KCNH8: variants seen among roughly 807,000 people sequenced by gnomAD.
The protein encoded by KCNH8 is potassium voltage-gated channel subfamily H member 8.
Under a neutral mutation model 103.6 loss-of-function variants are expected in KCNH8, and 70 were observed. The ratio of observed to expected loss-of-function variants is 0.68; its 90% CI spans 0.56 to 0.82. The LOEUF (loss-of-function observed/expected upper bound fraction) is 0.82. Ranked by LOEUF, KCNH8 falls within the 40% of genes least tolerant of loss-of-function variation. The probability of loss-of-function intolerance (pLI) is 0.00; values close to 1 mark genes in which losing one functional copy is unlikely to be tolerated. For synonymous variants in KCNH8, 498 were observed against 489.4 expected, an observed-to-expected ratio of 1.02 and a Z score of -0.23; for missense variants, 1,217 against 1,329.9, an observed-to-expected ratio of 0.92 and a Z score of 1.32.
At chr3:19,395,052 G>C in intron 6 of KCNH8, 52 bp from the exon 7 acceptor site, 1 of 1,260,602 alleles carries the variant, frequency 7.9e-7, no homozygotes, top group Non-Finnish European at 1.2e-6. Flanking sequence ...TTAATGTTGT[G>C]GTATGAATTT....
chr3:19,256,580 A>T (rs1415795267), intron 2 of KCNH8, among the ~76,000 whole-genome samples: 1 of 152,058 alleles, frequency 6.6e-6, no homozygotes, highest in Non-Finnish European at 1.5e-5. Flanking sequence ...CCTTCTTAAG[A>T]TAGGCACCTT....
chr3:19,352,998 A>G (rs1308641579), intron 5 of KCNH8, among the ~76,000 whole-genome samples: 1 of 152,176 alleles, frequency 6.6e-6, no homozygotes, highest in Non-Finnish European at 1.5e-5. Flanking sequence ...CAAGACTAAT[A>G]AAGAAGAAAA....
chr3:19,528,176 G>A (rs1165410640), intron 15 of KCNH8, among the ~76,000 whole-genome samples: 1 of 152,028 alleles, frequency 6.6e-6, no homozygotes. Flanking sequence ...ATATTGTTAT[G>A]TTTCCTTTAT....
intron 5 of KCNH8, among the ~76,000 whole-genome samples, chr3:19,367,720 T>C (rs2066032909): frequency 6.6e-6 from 1 of 151,914 alleles, no homozygotes; most frequent in Non-Finnish European, 1.5e-5. Flanking sequence ...TTGTTTCATG[T>C]GGCCTCACAG....
chr3:19,533,402 C>T lies in KCNH8; in HGVS notation c.2627C>T (p.Thr876Ile). 1 of 1,612,708 alleles carries T rather than the reference C, an allele frequency of 6.2e-7. No homozygotes were observed. The highest frequency in any genetic ancestry group is 8.5e-7 in the Non-Finnish European group (1 of 1,178,694). ...TTTGCTCTATCCACATAGGTAACAA[C>T]ATTGACTCAGGAAGTTTCTCAGTTG... The part of the protein sequence containing the change: ...QINKLNSEVT[T>I]LTQEVSQLGK... Residue 876 changes from threonine (T) to isoleucine (I), a missense_variant, in exon 16 of 16, where the codon ACA becomes ATA. By Grantham distance (89) the Thr-to-Ile change is moderately conservative. Coordinates refer to ENST00000328405, the MANE Select transcript of KCNH8 (RefSeq NM_144633.3).
At chr3:19,506,132 C>G (rs1245961868) in intron 11 of KCNH8, among the ~76,000 whole-genome samples, 1 of 152,172 alleles carries the variant, frequency 6.6e-6, no homozygotes, top group Admixed American at 6.5e-5. Context: ...TGTTCCCATC[C>G]ATATTCTGAA....
chr3:19,202,037 A>G (rs2063668089), intron 1 of KCNH8, among the ~76,000 whole-genome samples: 1 of 152,160 alleles, frequency 6.6e-6, no homozygotes, highest in South Asian at 2.1e-4. Context: ...TAGAGATAAA[A>G]TCCAACAGTA....
In KCNH8 at chr3:19,534,925, A is replaced by G. The variant is rs1371607031; in HGVS notation, c.*826A>G. The G allele has an allele frequency of 6.6e-6, 1 of 152,240 alleles. No homozygotes were observed. The highest frequency in any genetic ancestry group is 1.5e-5 in the Non-Finnish European group (1 of 68,040). The allele number at this position is 152,240 out of a possible 1,614,324, so 9.4% of individuals were successfully genotyped here. A position where few individuals can be genotyped will look rare whatever the true frequency, so the allele number is the denominator to read the frequency against. ...TATTCTCATGCTTCTGGATTATAAA[A>G]GAAAAGTGAAGTCATATTTTGTTAA... On this transcript the variant is annotated 3_prime_UTR_variant, in exon 16 of 16. Transcript: ENST00000328405.
chr3:19,252,105 A>G (rs1226526000), intron 1 of KCNH8, among the ~76,000 whole-genome samples: 1 of 152,186 alleles, frequency 6.6e-6, no homozygotes, highest in Middle Eastern at 3.2e-3. Context: ...ATTCATTCAT[A>G]GTGAACCTAA....
intron 1 of KCNH8, among the ~76,000 whole-genome samples, chr3:19,190,738 T>C (rs532939335): frequency 6.6e-6 from 1 of 152,048 alleles, no homozygotes; most frequent in South Asian, 2.1e-4. Context: ...AAGTTTGCTT[T>C]CACAATGTGT....
intron 1 of KCNH8, among the ~76,000 whole-genome samples, chr3:19,159,289 T>G (rs1183719913): frequency 6.6e-6 from 1 of 151,716 alleles, no homozygotes; most frequent in African/African-American, 2.4e-5. Context: ...ACTGAATATA[T>G]ATAGAGAGAT....
intron 1 of KCNH8, among the ~76,000 whole-genome samples, chr3:19,233,467 G>T (rs2064020779): frequency 6.6e-6 from 1 of 152,154 alleles, no homozygotes; most frequent in Admixed American, 6.5e-5. Flanking sequence ...AGGAAGGAAA[G>T]AAGTTAAATA....
chr3:19,157,476 G>A (rs2063191807), intron 1 of KCNH8, among the ~76,000 whole-genome samples: 1 of 151,962 alleles, frequency 6.6e-6, no homozygotes, highest in South Asian at 2.1e-4. Context: ...TTAGGTTTTA[G>A]GATACATCAT....
chr3:19,400,867 T>A (rs181441337), intron 7 of KCNH8, among the ~76,000 whole-genome samples: 22 of 152,094 alleles, frequency 1.4e-4, no homozygotes, highest in Admixed American at 1.4e-3. Flanking sequence ...AGTAACTGCA[T>A]CGGTTTTCCT....
intron 3 of KCNH8, among the ~76,000 whole-genome samples, chr3:19,292,359 G>A (rs1350387599): frequency 6.6e-6 from 1 of 152,166 alleles, no homozygotes; most frequent in Non-Finnish European, 1.5e-5. Context: ...TACAAATCAA[G>A]ATTCCAACGC....
intron 1 of KCNH8, among the ~76,000 whole-genome samples, chr3:19,226,522 C>T (rs575478773): frequency 1.3e-5 from 2 of 152,122 alleles, no homozygotes; most frequent in Admixed American, 1.3e-4. Flanking sequence ...AGGCATCATA[C>T]TTCTTTGGCA....
chr3:19,239,715 C>G (rs1158991329), intron 1 of KCNH8, among the ~76,000 whole-genome samples: 2 of 151,864 alleles, frequency 1.3e-5, no homozygotes, highest in African/African-American at 2.4e-5. Flanking sequence ...AGCTGTCTAT[C>G]TAATCTAGTT....
intron 5 of KCNH8, among the ~76,000 whole-genome samples, chr3:19,374,656 G>T (rs2066161998): frequency 2.0e-5 from 3 of 151,814 alleles, no homozygotes; most frequent in Admixed American, 2.0e-4. Flanking sequence ...TATGATGTCA[G>T]CTGGTTCTTT....
intron 11 of KCNH8, among the ~76,000 whole-genome samples, chr3:19,471,648 G>A (rs942194875): frequency 1.3e-5 from 2 of 152,156 alleles, no homozygotes; most frequent in East Asian, 1.9e-4. Context: ...TCTAGATAAG[G>A]AGACTAATTA....
Sources: allele counts gnomAD v4.1 joint callset (sites outside exome capture counted in the v4.1 genomes callset), GRCh38; gene constraint gnomAD v4.1.1; transcripts MANE v1.5; gene names NCBI Gene and HGNC (gene_info 2026-07-23, HGNC 2026-07-21).